Variants in B3GLCT observed in about 807,000 individuals in gnomAD.
The protein encoded by B3GLCT is beta-1,3-glucosyltransferase.
In B3GLCT, 65 loss-of-function variants were observed where a neutral mutation model predicts 63.4. That is an observed-to-expected ratio of 1.03 (90% CI 0.84 to 1.26). The LOEUF (loss-of-function observed/expected upper bound fraction) is 1.26. Ranked by LOEUF, B3GLCT falls within the 50% of genes most tolerant of loss-of-function variation. The pLI, the probability that B3GLCT is intolerant of heterozygous loss-of-function variation, is 0.00. For missense variants in B3GLCT, 577 were observed against 604.8 expected, an observed-to-expected ratio of 0.95 and a Z score of 0.48; for synonymous variants, 233 against 219.2, an observed-to-expected ratio of 1.06 and a Z score of -0.55.
At chr13:31,257,318 T>G (rs1871792249) in intron 6 of B3GLCT, among the ~76,000 whole-genome samples, 1 of 152,144 alleles carries the variant, frequency 6.6e-6, no homozygotes, top group Non-Finnish European at 1.5e-5. Flanking sequence ...AATACAGTGA[T>G]TTTCATATTG....
intron 1 of B3GLCT, among the ~76,000 whole-genome samples, chr13:31,202,742 T>C (rs1191800616): frequency 1.3e-5 from 2 of 152,130 alleles, no homozygotes; most frequent in African/African-American, 2.4e-5. Context: ...GCCTTTTTGC[T>C]CTGTGTTATC....
intron 2 of B3GLCT, among the ~76,000 whole-genome samples, chr13:31,215,996 A>G (rs1226612535): frequency 2.6e-5 from 4 of 152,154 alleles, no homozygotes; most frequent in Non-Finnish European, 5.9e-5. Flanking sequence ...ATGTCTCTAA[A>G]TGTTTACTAG....
intron 13 of B3GLCT, among the ~76,000 whole-genome samples, chr13:31,318,344 G>A (rs767641553): frequency 6.6e-6 from 1 of 152,112 alleles, no homozygotes; most frequent in Non-Finnish European, 1.5e-5. Flanking sequence ...GTTCCAGGCA[G>A]CATTCTAGTT....
chr13:31,309,549 A>C (rs564529241), intron 12 of B3GLCT, among the ~76,000 whole-genome samples: 4 of 152,158 alleles, frequency 2.6e-5, no homozygotes, highest in Non-Finnish European at 5.9e-5. Context: ...GGTTCCTTTA[A>C]TTTGCTGGAG....
intron 13 of B3GLCT, among the ~76,000 whole-genome samples, chr13:31,320,197 TC>T (rs1251723865): frequency 6.6e-6 from 1 of 152,238 alleles, no homozygotes; most frequent in Admixed American, 6.5e-5. Context: ...CTCAGTGGCT[TC>T]TCATTGTCTT....
At chr13:31,258,758 G>T (rs1478772563) in intron 6 of B3GLCT, among the ~76,000 whole-genome samples, 1 of 152,132 alleles carries the variant, frequency 6.6e-6, no homozygotes, top group Non-Finnish European at 1.5e-5. Flanking sequence ...ACCATTATGT[G>T]CCTATGTGTG....
At chr13:31,201,168 T>A (rs1337220215) in intron 1 of B3GLCT, among the ~76,000 whole-genome samples, 1 of 152,208 alleles carries the variant, frequency 6.6e-6, no homozygotes, top group Non-Finnish European at 1.5e-5. Context: ...TTTCAGATTT[T>A]TTAGTAATGG....
At chr13:31,310,589 C>A (rs1874654074) in intron 12 of B3GLCT, among the ~76,000 whole-genome samples, 1 of 152,200 alleles carries the variant, frequency 6.6e-6, no homozygotes, top group African/African-American at 2.4e-5. Flanking sequence ...TGGGAACTGG[C>A]AGCGGTGGGG....
intron 7 of B3GLCT, among the ~76,000 whole-genome samples, chr13:31,263,411 A>G (rs111392707): frequency 0.047 from 7,103 of 152,206 alleles, 175 homozygotes; most frequent in Non-Finnish European, 0.051. Context: ...GCATCCCTAT[A>G]TAGGGCAGTT....
chr13:31,275,627 T>TATGAGCC (rs1872747489), intron 9 of B3GLCT, among the ~76,000 whole-genome samples: 2 of 152,060 alleles, frequency 1.3e-5, no homozygotes, highest in African/African-American at 4.8e-5. Context: ...AGACCCAAGG[T>TATGAGCC]CCAGCCCCAG....
chr13:31,285,457 T>C (rs1273790242), intron 11 of B3GLCT, among the ~76,000 whole-genome samples: 2 of 152,092 alleles, frequency 1.3e-5, no homozygotes, highest in Non-Finnish European at 2.9e-5. Context: ...CTTAAATCTA[T>C]AAAAATTTTA....
chr13:31,257,571 A>G (rs1400823805), intron 6 of B3GLCT, among the ~76,000 whole-genome samples: 1 of 151,946 alleles, frequency 6.6e-6, no homozygotes, highest in East Asian at 1.9e-4. Context: ...TTCAGTTATG[A>G]CCTGTTGCTG....
intron 10 of B3GLCT, among the ~76,000 whole-genome samples, chr13:31,277,322 G>T (rs2137863491): frequency 6.6e-6 from 1 of 151,964 alleles, no homozygotes; most frequent in African/African-American, 2.4e-5. Context: ...CTGGCATGCA[G>T]ATTAATGTTG....
intron 1 of B3GLCT, among the ~76,000 whole-genome samples, chr13:31,214,500 C>T (rs924538454): frequency 2.6e-5 from 4 of 152,190 alleles, no homozygotes; most frequent in Admixed American, 2.6e-4. Flanking sequence ...CTCTCCCGGC[C>T]CCATTGCCTT....
At chr13:31,245,898 C>T (rs1871176966) in intron 4 of B3GLCT, among the ~76,000 whole-genome samples, 1 of 152,108 alleles carries the variant, frequency 6.6e-6, no homozygotes, top group Non-Finnish European at 1.5e-5. Context: ...TTTGCTCTTT[C>T]TAACATACCA....
intron 1 of B3GLCT, among the ~76,000 whole-genome samples, chr13:31,204,365 A>G (rs538211691): frequency 1.3e-5 from 2 of 152,268 alleles, no homozygotes; most frequent in East Asian, 3.9e-4. Flanking sequence ...CCATCGAACA[A>G]TTAATTATCG....
chr13:31,295,708 T>G (rs1873901927), intron 12 of B3GLCT, among the ~76,000 whole-genome samples: 2 of 152,236 alleles, frequency 1.3e-5, no homozygotes, highest in South Asian at 4.1e-4. Flanking sequence ...ACTGCTGTGC[T>G]GGCAGCGAGG....
At chr13:31,256,002 C>T (rs577825137) in intron 6 of B3GLCT, among the ~76,000 whole-genome samples, 6 of 152,310 alleles carry the variant, frequency 3.9e-5, no homozygotes, top group South Asian at 2.1e-4. Flanking sequence ...TCAGACCAAA[C>T]ATGCAACCTA....
At chr13:31,325,732 A>G (rs1875572381) in intron 14 of B3GLCT, among the ~76,000 whole-genome samples, 1 of 152,206 alleles carries the variant, frequency 6.6e-6, no homozygotes, top group South Asian at 2.1e-4. Flanking sequence ...AACGATTTGG[A>G]TAGTGCTTTC....
Sources: allele counts gnomAD v4.1 joint callset (sites outside exome capture counted in the v4.1 genomes callset), GRCh38; gene constraint gnomAD v4.1.1; transcripts MANE v1.5; gene names NCBI Gene and HGNC (gene_info 2026-07-23, HGNC 2026-07-21).